The following ELAC1 variants were observed in gnomAD, a reference collection of about 807,000 sequenced individuals.
ELAC1 encodes elaC ribonuclease Z 1, also known as zinc phosphodiesterase ELAC protein 1.
Under a neutral mutation model 25.8 loss-of-function variants are expected in ELAC1, and 19 were observed. That is an observed-to-expected ratio of 0.74 (90% CI 0.51 to 1.08). The LOEUF (loss-of-function observed/expected upper bound fraction) is 1.08. Among genes scored for constraint, ELAC1 ranks in the 50% least tolerant of loss-of-function variants. The pLI, the probability that ELAC1 is intolerant of heterozygous loss-of-function variation, is 0.00. For missense variants in ELAC1, 403 were observed against 434.6 expected, an observed-to-expected ratio of 0.93 and a Z score of 0.65; for synonymous variants, 148 against 160.9, an observed-to-expected ratio of 0.92 and a Z score of 0.61.
At position 50,972,336 on chromosome 18, in the gene ELAC1, T is replaced by C. The variant is rs143537354; in HGVS notation, c.-8-2061T>C. ...TTTTCTCTGCTAGAATAGCCAATTA[T>C]GTCAGTGCCATTCATTAAAGAAACC... On this transcript the variant is annotated intron_variant, in intron 1 of 3. Coordinates refer to ENST00000269466, the MANE Select transcript of ELAC1 (RefSeq NM_018696.3). Among the ~76,000 whole-genome samples the C allele has an allele frequency of 3.3e-3, 507 of 152,336 alleles. 6 individuals carry two copies. In the East Asian group the frequency reaches 0.041, roughly 12 times the overall value.
At chr18:50,978,099 C>T (rs1907842112) in intron 2 of ELAC1, among the ~76,000 whole-genome samples, 2 of 152,194 alleles carry the variant, frequency 1.3e-5, no homozygotes, top group African/African-American at 2.4e-5. Flanking sequence ...CAAACTTTCC[C>T]ATGTCTTCCT....
chr18:50,971,013 C>A (rs1907637946), intron 1 of ELAC1, among the ~76,000 whole-genome samples: 1 of 152,158 alleles, frequency 6.6e-6, no homozygotes, highest in African/African-American at 2.4e-5. Context: ...CTATTAGCTG[C>A]AGAATAAATA....
chr18:50,982,363 A>T (rs1244662089), intron 2 of ELAC1, among the ~76,000 whole-genome samples: 1 of 152,162 alleles, frequency 6.6e-6, no homozygotes, highest in Non-Finnish European at 1.5e-5. Flanking sequence ...CTGGGCTTGG[A>T]TGTAGTAATT....
intron 1 of ELAC1, among the ~76,000 whole-genome samples, chr18:50,971,912 GTATATATATATATATA>G (rs66495742): frequency 3.9e-5 from 3 of 76,534 alleles, no homozygotes; most frequent in African/African-American, 1.5e-4. Context: ...GTGTGTGTGT[GTATATATATATATATA>G]TATATATATA....
intron 2 of ELAC1, among the ~76,000 whole-genome samples, chr18:50,976,138 T>G (rs1194734675): frequency 6.6e-6 from 1 of 152,174 alleles, no homozygotes; most frequent in Non-Finnish European, 1.5e-5. Context: ...ATTGTTCTAC[T>G]GGGAAAAAGG....
intron 2 of ELAC1, among the ~76,000 whole-genome samples, chr18:50,978,758 G>C (rs966366069): frequency 2.6e-5 from 4 of 152,228 alleles, no homozygotes; most frequent in Non-Finnish European, 5.9e-5. Flanking sequence ...GATGGTCACT[G>C]AATGTCTAGT....
At chr18:50,969,091 A>T (rs1907581714) in intron 1 of ELAC1, 1 of 152,236 alleles carries the variant, frequency 6.6e-6, no homozygotes, top group Admixed American at 6.5e-5. Context: ...CAGTGTACTT[A>T]GCACTTCATT....
rs911675343 is a variant in ELAC1, at chr18:50,977,526, G to A, written c.157+2965G>A. Among the ~76,000 whole-genome samples the A allele has an allele frequency of 1.3e-4, 20 of 152,310 alleles. No homozygotes were observed. In the East Asian group the frequency reaches 2.7e-3, roughly 21 times the overall value. On this transcript the variant is annotated intron_variant, in intron 2 of 3. Transcript: ENST00000269466. The stretch of plus-strand genomic sequence containing the variant: ...AGGGCACCAAGTCCCAAGACTGCAC[G>A]AAGCAGCAAGGCCCTGGGCCCAGGC...
At chr18:50,976,532 T>C (rs1056101706) in intron 2 of ELAC1, among the ~76,000 whole-genome samples, 2 of 152,156 alleles carry the variant, frequency 1.3e-5, no homozygotes, top group Non-Finnish European at 2.9e-5. Context: ...GAGAACAGCA[T>C]GAGAGAACCT....
At position 50,971,912 on chromosome 18, in the gene ELAC1, GTATATATATA is replaced by G. The variant is rs66495742; in HGVS notation, c.-8-2463_-8-2454del. ...TATGTATATATGTGTGTGTGTGTGTGTATATATATATATATATATATATATATATATCCTT... is the reference window on the plus strand; with the variant it reads ...TATGTATATATGTGTGTGTGTGTGTGTATATATATATATATATATATCCTT... On this transcript the variant is annotated intron_variant, in intron 1 of 3. Transcript: ENST00000269466. 5.0e-4 allele frequency among the ~76,000 whole-genome samples: 38 copies of G among 76,532 alleles called. 1 individual carries two copies. The highest frequency in any genetic ancestry group is 2.7e-4 in the Admixed American group (2 of 7,376). The allele number at this position is 76,532 out of a possible 152,430, so 50.2% of individuals were successfully genotyped here.
At chr18:50,969,436 T>C (rs1319279436) in intron 1 of ELAC1, 1 of 152,240 alleles carries the variant, frequency 6.6e-6, no homozygotes, top group East Asian at 1.9e-4. Flanking sequence ...GTTTTTCACA[T>C]TGTATCATAC....
intron 1 of ELAC1, among the ~76,000 whole-genome samples, chr18:50,972,504 C>G (rs530725647): frequency 6.6e-6 from 1 of 151,990 alleles, no homozygotes; most frequent in Non-Finnish European, 1.5e-5. Flanking sequence ...TTTGTTGAGA[C>G]AGAGTCTTAC....
intron 2 of ELAC1, among the ~76,000 whole-genome samples, chr18:50,978,404 G>T (rs1006385640): frequency 6.6e-6 from 1 of 152,212 alleles, no homozygotes; most frequent in East Asian, 1.9e-4. Context: ...CACAATCATG[G>T]TGGAAGGCAA....
chr18:50,977,459 G>A (rs760866864), intron 2 of ELAC1, among the ~76,000 whole-genome samples: 43 of 152,288 alleles, frequency 2.8e-4, no homozygotes, highest in Non-Finnish European at 4.7e-4. Flanking sequence ...TGAAGCAACC[G>A]CCTGAGCTGT....
chr18:50,974,713 T>A, intron 2 of ELAC1, 152 bp downstream of exon 2: 7 of 656,430 alleles, frequency 1.1e-5, no homozygotes, highest in Non-Finnish European at 1.8e-5. Flanking sequence ...CCTGCAGGCA[T>A]CTGGCCACGT....
intron 1 of ELAC1, among the ~76,000 whole-genome samples, chr18:50,971,682 A>C (rs1907657389): frequency 6.6e-6 from 1 of 152,010 alleles, no homozygotes; most frequent in Non-Finnish European, 1.5e-5. Flanking sequence ...GGCATGAGCT[A>C]CCATACCCAG....
chr18:50,969,406 A>G (rs1907590235), intron 1 of ELAC1: 1 of 152,216 alleles, frequency 6.6e-6, no homozygotes, highest in African/African-American at 2.4e-5. Flanking sequence ...TGGCAAGAGA[A>G]CTTAATGGGG....
intron 2 of ELAC1, among the ~76,000 whole-genome samples, chr18:50,983,608 G>A (rs986186996): frequency 1.3e-5 from 2 of 151,858 alleles, no homozygotes; most frequent in Non-Finnish European, 2.9e-5. Context: ...CAGCACTTTG[G>A]GAGGCCAAGG....
intron 2 of ELAC1, among the ~76,000 whole-genome samples, chr18:50,979,735 G>T (rs1429708411): frequency 6.6e-6 from 1 of 150,390 alleles, no homozygotes; most frequent in Non-Finnish European, 1.5e-5. Flanking sequence ...TCTGTTTTTT[G>T]TTTTTTTTTG....
Sources: allele counts gnomAD v4.1 joint callset (sites outside exome capture counted in the v4.1 genomes callset), GRCh38; gene constraint gnomAD v4.1.1; transcripts MANE v1.5; gene names NCBI Gene and HGNC (gene_info 2026-07-23, HGNC 2026-07-21).